Variants in ZNRF2 observed in about 807,000 individuals in gnomAD.
ZNRF2 encodes E3 ubiquitin-protein ligase ZNRF2.
ZNRF2 carries 16 observed loss-of-function variants against 20.4 expected under a neutral mutation model. The observed-to-expected ratio is 0.79, with a 90% CI of 0.53 to 1.19. The LOEUF is 1.19. ZNRF2 is among the 50% of genes most tolerant of loss of function. The probability of loss-of-function intolerance (pLI) is 0.00; values close to 1 mark genes in which losing one functional copy is unlikely to be tolerated. For synonymous variants in ZNRF2, 178 were observed against 144.9 expected (o/e 1.23, Z -1.64); for missense variants, 363 against 332.4 (o/e 1.09, Z -0.72).
intron 2 of ZNRF2, among the ~76,000 whole-genome samples, chr7:30,333,241 A>G (rs1453387484): frequency 1.9e-4 from 29 of 151,258 alleles, no homozygotes; most frequent in Admixed American, 1.8e-3. Flanking sequence ...TTTAGTAGAG[A>G]TGGAGTTTCG....
At chr7:30,289,651 G>GTGTGTAAACA in intron 1 of ZNRF2, 2 of 366,800 alleles carry the variant, frequency 5.5e-6, no homozygotes, top group South Asian at 4.3e-5. Flanking sequence ...ATGTTTTGCT[G>GTGTGTAAACA]TGTGTAAGTG....
chr7:30,319,168 C>A (rs1454442948), intron 1 of ZNRF2, among the ~76,000 whole-genome samples: 1 of 151,748 alleles, frequency 6.6e-6, no homozygotes, highest in Non-Finnish European at 1.5e-5. Context: ...GAGACAGAGT[C>A]TTACCCTGTT....
At chr7:30,288,119 A>G (rs1475696310) in intron 1 of ZNRF2, among the ~76,000 whole-genome samples, 2 of 152,210 alleles carry the variant, frequency 1.3e-5, no homozygotes, top group African/African-American at 4.8e-5. Context: ...CATGTTTCTC[A>G]TCATCTTGAG....
chr7:30,347,463 G>GTT (rs1799895895), intron 2 of ZNRF2, among the ~76,000 whole-genome samples: 1 of 152,112 alleles, frequency 6.6e-6, no homozygotes, highest in Admixed American at 6.5e-5. Context: ...TGCTTGGGCA[G>GTT]TTTAAGGATT....
At chr7:30,299,736 T>C (rs552298884) in intron 1 of ZNRF2, among the ~76,000 whole-genome samples, 52 of 152,240 alleles carry the variant, frequency 3.4e-4, no homozygotes, top group African/African-American at 1.2e-3. Flanking sequence ...GAGGCTGTTA[T>C]TGGCAAGAAT....
intron 2 of ZNRF2, among the ~76,000 whole-genome samples, chr7:30,354,176 A>G (rs552972768): frequency 6.6e-6 from 1 of 152,116 alleles, no homozygotes; most frequent in African/African-American, 2.4e-5. Context: ...AAATGGGGAA[A>G]GGGAGGGCAC....
At chr7:30,292,869 G>C (rs2128055412) in intron 1 of ZNRF2, among the ~76,000 whole-genome samples, 1 of 152,280 alleles carries the variant, frequency 6.6e-6, no homozygotes, top group East Asian at 1.9e-4. Flanking sequence ...CATAACCACT[G>C]ACCTGTGGTT....
chr7:30,359,415 A>G lies in ZNRF2; in HGVS notation c.672-2962A>G, dbSNP rs1163728404. ...GTATTGGAAATAGCGTTCTCCCTCT[A>G]TGACTTTCTGTAATGCAGTGAACTC... On this transcript the variant is annotated intron_variant, in intron 3 of 4. Coordinates refer to ENST00000323037, the MANE Select transcript of ZNRF2 (RefSeq NM_147128.4). 2.0e-5 allele frequency among the ~76,000 whole-genome samples: 3 copies of G among 151,932 alleles called. No individual in the cohort carries two copies. In the East Asian group the frequency reaches 5.8e-4, roughly 29 times the overall value.
chr7:30,307,326 GTTTTTTTTTTTT>G (rs78007797), intron 1 of ZNRF2, among the ~76,000 whole-genome samples: 3 of 43,234 alleles, frequency 6.9e-5, no homozygotes, highest in Non-Finnish European at 9.5e-5. Context: ...GTTTTTTTTT[GTTTTTTTTTTTT>G]TTTTTTTTTT....
intron 1 of ZNRF2, among the ~76,000 whole-genome samples, chr7:30,320,571 C>A (rs191177211): frequency 2.6e-5 from 4 of 152,202 alleles, no homozygotes; most frequent in Admixed American, 2.6e-4. Flanking sequence ...TAGCAATATT[C>A]ATAATGAAAC....
At chr7:30,335,538 T>C (rs1465241381) in intron 2 of ZNRF2, among the ~76,000 whole-genome samples, 1 of 152,110 alleles carries the variant, frequency 6.6e-6, no homozygotes, top group Admixed American at 6.6e-5. Context: ...TTTTACCCTT[T>C]TACAAAATTA....
At chr7:30,316,753 G>A (rs931054886) in intron 1 of ZNRF2, among the ~76,000 whole-genome samples, 1 of 152,068 alleles carries the variant, frequency 6.6e-6, no homozygotes, top group Non-Finnish European at 1.5e-5. Context: ...TTAGAAAACC[G>A]TGATAATTTA....
At chr7:30,347,739 C>G (rs1799900326) in intron 2 of ZNRF2, among the ~76,000 whole-genome samples, 1 of 151,916 alleles carries the variant, frequency 6.6e-6, no homozygotes, top group South Asian at 2.1e-4. Context: ...AACAAAATAA[C>G]TTCACACTTG....
At chr7:30,308,915 T>C (rs575757469) in intron 1 of ZNRF2, among the ~76,000 whole-genome samples, 1 of 152,294 alleles carries the variant, frequency 6.6e-6, no homozygotes, top group East Asian at 1.9e-4. Context: ...AACAGTACAA[T>C]GAACTAAAAA....
At chr7:30,317,121 C>G (rs771533698) in intron 1 of ZNRF2, among the ~76,000 whole-genome samples, 1 of 152,162 alleles carries the variant, frequency 6.6e-6, no homozygotes, top group South Asian at 2.1e-4. Context: ...TTAGAATTTC[C>G]TAATCTGCCT....
intron 1 of ZNRF2, among the ~76,000 whole-genome samples, chr7:30,291,348 C>T (rs188701909): frequency 2.5e-3 from 375 of 152,304 alleles, no homozygotes; most frequent in Non-Finnish European, 4.2e-3. Flanking sequence ...AATTAACACT[C>T]GTAGTTTACA....
intron 2 of ZNRF2, among the ~76,000 whole-genome samples, chr7:30,354,213 C>T (rs758047850): frequency 9.9e-5 from 15 of 151,992 alleles, no homozygotes; most frequent in African/African-American, 1.4e-4. Context: ...TAACATTTTC[C>T]GTTTATCCAG....
At chr7:30,312,164 A>G (rs1426926811) in intron 1 of ZNRF2, among the ~76,000 whole-genome samples, 1 of 152,058 alleles carries the variant, frequency 6.6e-6, no homozygotes, top group African/African-American at 2.4e-5. Flanking sequence ...TTTTTTCCGT[A>G]GAGACAGGGT....
intron 1 of ZNRF2, among the ~76,000 whole-genome samples, chr7:30,294,295 A>T (rs1291469424): frequency 6.6e-6 from 1 of 152,174 alleles, no homozygotes; most frequent in Non-Finnish European, 1.5e-5. Context: ...GTCACTTCCC[A>T]AAGCTTTGGA....
Sources: allele counts gnomAD v4.1 joint callset (sites outside exome capture counted in the v4.1 genomes callset), GRCh38; gene constraint gnomAD v4.1.1; transcripts MANE v1.5; gene names NCBI Gene and HGNC (gene_info 2026-07-23, HGNC 2026-07-21).